Variants in ASTN1 observed in about 807,000 individuals in gnomAD.
ASTN1 encodes astrotactin-1.
A neutral mutation model predicts 140.7 loss-of-function variants in ASTN1; 41 were observed. The observed-to-expected ratio is 0.29, with a 90% CI of 0.23 to 0.38. The LOEUF is 0.38. Ranked by LOEUF, ASTN1 falls within the 10% of genes least tolerant of loss-of-function variation. The pLI is 1.00. For missense variants in ASTN1, 1,479 were observed against 1,678.8 expected (o/e 0.88, Z 2.08); for synonymous variants, 640 against 652.2 (o/e 0.98, Z 0.29).
chr1:176,951,650 T>C (rs545303206), intron 11 of ASTN1, among the ~76,000 whole-genome samples: 5 of 152,216 alleles, frequency 3.3e-5, no homozygotes, highest in Non-Finnish European at 7.3e-5. Context: ...GAATGAAACA[T>C]GAGCAGGCTT....
chr1:176,986,261 C>A (rs228001), intron 8 of ASTN1, among the ~76,000 whole-genome samples: 4,342 of 152,272 alleles, frequency 0.029, 192 homozygotes, highest in African/African-American at 0.096. Context: ...GTTCTGATCA[C>A]TCCAGAGGTG....
intron 1 of ASTN1, among the ~76,000 whole-genome samples, chr1:177,118,527 T>C (rs910631773): frequency 6.6e-6 from 1 of 152,098 alleles, no homozygotes; most frequent in South Asian, 2.1e-4. Flanking sequence ...TTAGCAAGAG[T>C]AAAGACCACT....
chr1:176,949,413 C>T, intron 11 of ASTN1, 62 bp from the exon 12 acceptor site: 1 of 1,535,740 alleles, frequency 6.5e-7, no homozygotes, highest in Non-Finnish European at 8.8e-7. Flanking sequence ...TCTCTGGGAA[C>T]TGAGTGTAAC....
At chr1:176,969,724 T>C (rs1352512285) in intron 8 of ASTN1, among the ~76,000 whole-genome samples, 1 of 152,238 alleles carries the variant, frequency 6.6e-6, no homozygotes, top group Non-Finnish European at 1.5e-5. Flanking sequence ...TTTCAGTCTC[T>C]TGTATCCACT....
chr1:177,117,024 T>C (rs1198125619), intron 1 of ASTN1, among the ~76,000 whole-genome samples: 1 of 152,112 alleles, frequency 6.6e-6, no homozygotes. Context: ...TACCTGCCAA[T>C]TTTCTCTTAA....
intron 16 of ASTN1, among the ~76,000 whole-genome samples, chr1:176,926,288 CAAAAA>C (rs3041009): frequency 1.5e-5 from 2 of 131,156 alleles, no homozygotes; most frequent in Non-Finnish European, 1.7e-5. Flanking sequence ...AGTGCCTGCT[CAAAAA>C]AAAAAAAAAA....
At chr1:177,126,551 G>A (rs1681659578) in intron 1 of ASTN1, among the ~76,000 whole-genome samples, 2 of 152,154 alleles carry the variant, frequency 1.3e-5, no homozygotes, top group South Asian at 4.1e-4. Context: ...GAAAAAGGAA[G>A]GGGCCAAGTG....
chr1:176,996,100 C>T (rs144175661), intron 8 of ASTN1, among the ~76,000 whole-genome samples: 284 of 152,112 alleles, frequency 1.9e-3, no homozygotes, highest in African/African-American at 6.0e-3. Context: ...CCTAGGTTCA[C>T]GCAGAAATTT....
intron 1 of ASTN1, among the ~76,000 whole-genome samples, chr1:177,122,647 A>C (rs1355277850): frequency 6.6e-6 from 1 of 151,824 alleles, no homozygotes; most frequent in African/African-American, 2.4e-5. Context: ...TCTTGTCACC[A>C]CCCGCGGTTT....
intron 1 of ASTN1, among the ~76,000 whole-genome samples, chr1:177,152,502 T>C (rs1432248237): frequency 2.0e-5 from 3 of 151,630 alleles, no homozygotes; most frequent in Non-Finnish European, 4.4e-5. Flanking sequence ...GAAGTAAATC[T>C]AACAAGAAAT....
chr1:176,967,171 C>T (rs16850479), intron 8 of ASTN1, among the ~76,000 whole-genome samples: 18,534 of 152,092 alleles, frequency 0.12, 1,448 homozygotes, highest in Admixed American at 0.19. Flanking sequence ...TACCTAGAGG[C>T]AAGAATTGGC....
intron 1 of ASTN1, among the ~76,000 whole-genome samples, chr1:177,114,541 A>G (rs962416714): frequency 3.3e-5 from 5 of 152,138 alleles, no homozygotes; most frequent in South Asian, 2.1e-4. Flanking sequence ...ATTTTTCCCA[A>G]TGGAAACATG....
chr1:176,936,778 G>T (rs1671466959), intron 14 of ASTN1, among the ~76,000 whole-genome samples: 1 of 152,130 alleles, frequency 6.6e-6, no homozygotes, highest in South Asian at 2.1e-4. Flanking sequence ...ATAGGTTTTT[G>T]GTGCCCAGTC....
chr1:176,864,546 T>C (rs775374543), intron 22 of ASTN1, 25 bp from the exon 23 acceptor site: 14 of 1,608,916 alleles, frequency 8.7e-6, no homozygotes, highest in South Asian at 6.6e-5. Flanking sequence ...CAGAGGATAC[T>C]TAAGTTAGAA....
At chr1:177,132,492 G>T (rs189563099) in intron 1 of ASTN1, among the ~76,000 whole-genome samples, 82 of 152,244 alleles carry the variant, frequency 5.4e-4, no homozygotes, top group African/African-American at 1.9e-3. Context: ...TATCTCCTAA[G>T]CCCACTCATC....
chr1:177,074,470 C>A (rs1315999903), intron 1 of ASTN1, among the ~76,000 whole-genome samples: 2 of 152,114 alleles, frequency 1.3e-5, no homozygotes, highest in Admixed American at 6.6e-5. Context: ...TATGGCACAC[C>A]CCTACAGGAC....
chr1:177,007,036 G>A (rs1210843834), intron 8 of ASTN1, among the ~76,000 whole-genome samples: 1 of 152,128 alleles, frequency 6.6e-6, no homozygotes, highest in African/African-American at 2.4e-5. Context: ...TTACTATGAA[G>A]CTTGACTACC....
At chr1:177,050,894 G>A (rs1260855403) in intron 2 of ASTN1, among the ~76,000 whole-genome samples, 1 of 151,926 alleles carries the variant, frequency 6.6e-6, no homozygotes, top group Non-Finnish European at 1.5e-5. Context: ...GCATATCCAG[G>A]CATGTCACAC....
chr1:176,942,820 G>GTC (rs1553231482), intron 14 of ASTN1, among the ~76,000 whole-genome samples: 1 of 25,318 alleles, frequency 3.9e-5, no homozygotes, highest in African/African-American at 1.2e-4. Context: ...TTGTGTGTGT[G>GTC]TATATATATA....
Sources: gnomAD v4.1 joint callset for allele counts (sites outside exome capture counted in the v4.1 genomes callset) on GRCh38, gnomAD v4.1.1 for gene constraint, MANE v1.5 for transcripts, NCBI Gene and HGNC (gene_info 2026-07-23, HGNC 2026-07-21) for gene names.